Variants in CADM1 observed in about 807,000 individuals in gnomAD.
CADM1 encodes TSLC-1.
A neutral mutation model predicts 53.1 loss-of-function variants in CADM1; 15 were observed. That is an observed-to-expected ratio of 0.28 (90% CI 0.19 to 0.44). The LOEUF (loss-of-function observed/expected upper bound fraction) is 0.44. Among genes scored for constraint, CADM1 ranks in the 20% least tolerant of loss-of-function variants. CADM1 has a pLI of 1.00. For missense variants in CADM1, 434 were observed against 611.3 expected (o/e 0.71, Z 3.06); for synonymous variants, 281 against 243.0 (o/e 1.16, Z -1.45).
Position 115,379,609 on chromosome 11 carries a change from C to A in CADM1, c.124+124662G>T, listed in dbSNP as rs78058363. The stretch of plus-strand genomic sequence containing the variant: ...ATAAAGCTAAGCCCCTTACATTGAA[C>A]AGGGAAGGGGTGGTGATTGTGTTTC... On this transcript the variant is annotated intron_variant, in intron 1 of 11. Coordinates refer to ENST00000331581, the MANE Select transcript of CADM1 (RefSeq NM_001301043.2). Among the ~76,000 whole-genome samples the A allele has an allele frequency of 2.3e-3, 346 of 152,276 alleles. 3 individuals carry two copies. The highest frequency in any genetic ancestry group is 7.8e-3 in the African/African-American group (324 of 41,570).
At chr11:115,442,840 C>G (rs1948352279) in intron 1 of CADM1, among the ~76,000 whole-genome samples, 1 of 152,176 alleles carries the variant, frequency 6.6e-6, no homozygotes, top group South Asian at 2.1e-4. Flanking sequence ...TCCACCACCC[C>G]TGAGGACAAG....
At chr11:115,440,303 A>C (rs1948280943) in intron 1 of CADM1, among the ~76,000 whole-genome samples, 2 of 152,236 alleles carry the variant, frequency 1.3e-5, no homozygotes, top group Non-Finnish European at 2.9e-5. Flanking sequence ...GATAAACTGT[A>C]ATTGTTTCAT....
intron 1 of CADM1, among the ~76,000 whole-genome samples, chr11:115,303,904 G>C (rs920325680): frequency 6.6e-6 from 1 of 151,956 alleles, no homozygotes; most frequent in Non-Finnish European, 1.5e-5. Context: ...AAGGCACAAA[G>C]GCCTCCTTCC....
At chr11:115,375,785 A>G (rs1285583265) in intron 1 of CADM1, among the ~76,000 whole-genome samples, 1 of 152,146 alleles carries the variant, frequency 6.6e-6, no homozygotes, top group African/African-American at 2.4e-5. Flanking sequence ...CTTATGAAAT[A>G]TCTATCATAT....
intron 1 of CADM1, among the ~76,000 whole-genome samples, chr11:115,442,060 T>C (rs1017959608): frequency 6.6e-6 from 1 of 151,700 alleles, no homozygotes; most frequent in Non-Finnish European, 1.5e-5. Flanking sequence ...GGAAATGTAA[T>C]ATGGTATATA....
chr11:115,392,656 C>A lies in CADM1; in HGVS notation c.124+111615G>T, dbSNP rs1226385403. ...TTTTCCTCTGCATAATTATCAGATA[C>A]TTTAAAAACTAACATTCGCATTCCC... On this transcript the variant is annotated intron_variant, in intron 1 of 11. Transcript: ENST00000331581. Among the ~76,000 whole-genome samples the A allele has an allele frequency of 2.0e-5, 3 of 152,218 alleles. No homozygotes were observed. In the East Asian group the frequency reaches 5.8e-4, roughly 29 times the overall value.
chr11:115,347,249 G>GC (rs112821877), intron 1 of CADM1, among the ~76,000 whole-genome samples: 39,848 of 151,876 alleles, frequency 0.26, 5,877 homozygotes, highest in East Asian at 0.47. Flanking sequence ...TGGGGTACTA[G>GC]CCCCCCCAAC....
intron 1 of CADM1, among the ~76,000 whole-genome samples, chr11:115,451,387 G>A (rs915916264): frequency 2.0e-5 from 3 of 152,156 alleles, no homozygotes; most frequent in South Asian, 2.1e-4. Context: ...GTTTTACCAC[G>A]TGTAGCCATT....
intron 1 of CADM1, among the ~76,000 whole-genome samples, chr11:115,360,312 T>C (rs1251169877): frequency 6.6e-6 from 1 of 152,152 alleles, no homozygotes; most frequent in Admixed American, 6.6e-5. Context: ...GAAATTAAAT[T>C]ATATTGCTGA....
intron 1 of CADM1, among the ~76,000 whole-genome samples, chr11:115,469,871 C>T (rs1436212987): frequency 6.6e-6 from 1 of 152,088 alleles, no homozygotes; most frequent in Non-Finnish European, 1.5e-5. Context: ...GGGCTTTCGC[C>T]ATGTTGGCCA....
chr11:115,387,496 C>G (rs1946728302), intron 1 of CADM1, among the ~76,000 whole-genome samples: 1 of 152,046 alleles, frequency 6.6e-6, no homozygotes, highest in South Asian at 2.1e-4. Context: ...GTTACGAACT[C>G]AAAATTTTAC....
At position 115,310,103 on chromosome 11, in the gene CADM1, AT is replaced by A. The variant is rs1247501985; in HGVS notation, c.125-69684del. The stretch of plus-strand genomic sequence containing the variant: ...TTTTTATTCCTTCGATGGGAAAAAA[AT>A]AAAGGTAAGAAAGAATCATATATGC... On this transcript the variant is annotated intron_variant, in intron 1 of 11. Transcript: ENST00000331581. Among the ~76,000 whole-genome samples, 3 of 152,266 alleles carry A rather than the reference AT, an allele frequency of 2.0e-5. No individual in the cohort carries two copies. In the East Asian group the frequency reaches 5.8e-4, roughly 29 times the overall value.
intron 1 of CADM1, among the ~76,000 whole-genome samples, chr11:115,359,223 C>T (rs1173128330): frequency 2.0e-5 from 3 of 152,106 alleles, no homozygotes; most frequent in Non-Finnish European, 4.4e-5. Context: ...AAGTATATCA[C>T]TCAAAGGCAT....
chr11:115,304,259 T>G (rs1944306240), intron 1 of CADM1, among the ~76,000 whole-genome samples: 1 of 152,066 alleles, frequency 6.6e-6, no homozygotes, highest in African/African-American at 2.4e-5. Context: ...TTAAATTTTA[T>G]AATCATCTTC....
At chr11:115,390,666 C>T (rs1317393010) in intron 1 of CADM1, among the ~76,000 whole-genome samples, 1 of 132,866 alleles carries the variant, frequency 7.5e-6, no homozygotes, top group African/African-American at 2.9e-5. Context: ...GGTTAGGCTA[C>T]TCTTAAAAAA....
At chr11:115,480,567 TC>T (rs1160840316) in intron 1 of CADM1, among the ~76,000 whole-genome samples, 1 of 152,258 alleles carries the variant, frequency 6.6e-6, no homozygotes, top group Non-Finnish European at 1.5e-5. Context: ...CAAGGACATC[TC>T]AGACTGGTCT....
chr11:115,334,621 A>G (rs941536344), intron 1 of CADM1, among the ~76,000 whole-genome samples: 3 of 152,130 alleles, frequency 2.0e-5, no homozygotes, highest in African/African-American at 7.2e-5. Context: ...TATAGGGAAA[A>G]TAGTCTGTAT....
At chr11:115,235,884 G>A (rs143602201) in intron 3 of CADM1, among the ~76,000 whole-genome samples, 167 of 152,272 alleles carry the variant, frequency 1.1e-3, no homozygotes, top group African/African-American at 3.7e-3. Flanking sequence ...GTAGTATAAA[G>A]AGAGTCCTAC....
chr11:115,485,216 G>A (rs1008270257), intron 1 of CADM1, among the ~76,000 whole-genome samples: 1 of 152,030 alleles, frequency 6.6e-6, no homozygotes, highest in African/African-American at 2.4e-5. Flanking sequence ...CCAGTCCTCT[G>A]ACTAGTCCTT....
Sources: gnomAD v4.1 joint callset for allele counts (sites outside exome capture counted in the v4.1 genomes callset) on GRCh38, gnomAD v4.1.1 for gene constraint, MANE v1.5 for transcripts, NCBI Gene and HGNC (gene_info 2026-07-23, HGNC 2026-07-21) for gene names.